Variants in MLIP observed in about 807,000 individuals in gnomAD.
MLIP encodes muscular LMNA interacting protein.
Under a neutral mutation model 84.8 loss-of-function variants are expected in MLIP, and 79 were observed. The observed-to-expected ratio is 0.93, with a 90% CI of 0.78 to 1.12. The LOEUF (loss-of-function observed/expected upper bound fraction) is 1.12. MLIP is among the 50% of genes most tolerant of loss of function. MLIP has a pLI of 0.00. For missense variants in MLIP, 1,257 were observed against 1,160.6 expected, an observed-to-expected ratio of 1.08 and a Z score of -1.21; for synonymous variants, 504 against 463.0, an observed-to-expected ratio of 1.09 and a Z score of -1.14.
rs1416744051 is a variant in MLIP, at chr6:54,086,375, C to T, written c.64-35072C>T. On this transcript the variant is annotated intron_variant, in intron 1 of 12. Coordinates refer to the MLIP transcript ENST00000274897. ...ACAGTGGTTCTTTCTCTTCTTACCC[C>T]ACCTATTTATGTGTGTATGTTTAAT... Among the ~76,000 whole-genome samples, 3 of 152,164 alleles carry T rather than the reference C, an allele frequency of 2.0e-5. No homozygotes were observed. In the East Asian group the frequency reaches 5.8e-4, roughly 29 times the overall value.
intron 5 of MLIP, among the ~76,000 whole-genome samples, chr6:54,152,584 G>T (rs569709520): frequency 7.9e-5 from 12 of 152,104 alleles, no homozygotes; most frequent in African/African-American, 2.9e-4. Flanking sequence ...CCATGATTCA[G>T]TTACCTCCCT....
chr6:54,215,589 A>G (rs779855247), intron 11 of MLIP: 5 of 194,132 alleles, frequency 2.6e-5, no homozygotes, highest in Non-Finnish European at 4.9e-5. Context: ...CTATTAATGT[A>G]CTAGTTACTC....
chr6:54,244,052 C>A (rs1420395710), intron 12 of MLIP, among the ~76,000 whole-genome samples: 1 of 152,118 alleles, frequency 6.6e-6, no homozygotes, highest in Non-Finnish European at 1.5e-5. Context: ...AGTACTCTGA[C>A]AAAATTGTAC....
intron 1 of MLIP, among the ~76,000 whole-genome samples, chr6:54,055,087 C>T (rs2150322675): frequency 6.6e-6 from 1 of 152,226 alleles, no homozygotes; most frequent in Non-Finnish European, 1.5e-5. Context: ...CGGGGTTTCA[C>T]TGTGTTAGCA....
intron 8 of MLIP, among the ~76,000 whole-genome samples, chr6:54,169,125 T>G (rs1238387953): frequency 6.6e-6 from 1 of 151,538 alleles, no homozygotes; most frequent in Non-Finnish European, 1.5e-5. Flanking sequence ...GTTTTACTGG[T>G]GAAGGTAAAG....
intron 1 of MLIP, among the ~76,000 whole-genome samples, chr6:54,076,956 A>G (rs1766841987): frequency 1.3e-5 from 2 of 152,326 alleles, no homozygotes; most frequent in African/African-American, 2.4e-5. Context: ...CAGCAACTGG[A>G]TAACTATTTC....
In MLIP at chr6:54,222,918, A is replaced by G. The variant is rs371339832; in HGVS notation, c.2719-7796A>G. On this transcript the variant is annotated intron_variant, in intron 11 of 13. Transcript: ENST00000502396. ...TAATACTCATTCCAACAGGTGTGAT[A>G]TGATAGCTCATGGTGGTTTTGATTT... Among the ~76,000 whole-genome samples, 26 of 152,164 alleles carry G rather than the reference A, an allele frequency of 1.7e-4. No individual in the cohort carries two copies. The East Asian group carries it at 2.7e-3, about 16-fold the overall frequency.
chr6:54,262,441 T>A (rs142024111), intron 13 of MLIP, among the ~76,000 whole-genome samples: 175 of 152,130 alleles, frequency 1.2e-3, no homozygotes, highest in Non-Finnish European at 2.1e-3. Flanking sequence ...AATGACAGCA[T>A]CGTTAATTAT....
intron 1 of MLIP, among the ~76,000 whole-genome samples, chr6:54,021,342 C>T (rs995539190): frequency 1.3e-5 from 2 of 152,010 alleles, no homozygotes; most frequent in Admixed American, 6.6e-5. Flanking sequence ...TTGTGTTATA[C>T]GTTTGTTAAA....
At chr6:54,150,163 T>C (rs16884835) in intron 5 of MLIP, among the ~76,000 whole-genome samples, 10,773 of 152,224 alleles carry the variant, frequency 0.071, 549 homozygotes, top group East Asian at 0.24. Context: ...TAGGAATTGT[T>C]AGTGGAACAA....
rs144276880 is a variant in MLIP at position 54,136,989 on chromosome 6, G to A, written c.920G>A (p.Gly307Asp). Residue 307 changes from glycine (G) to aspartate (D), a missense_variant, in exon 4 of 14, where the codon GGT (glycine) becomes GAT (aspartate). Physicochemically the swap from Gly to Asp is moderately conservative, Grantham distance 94 (BLOSUM62 -1). Coordinates refer to ENST00000502396, the MANE Select transcript of MLIP (RefSeq NM_001281747.2). The part of the protein sequence containing the change: ...LLFPHSTQLS[G>D]SNLPSSTAAD... ...TTTCCCCATTCCACTCAACTATCAGGTTCTAATTTACCCAGTTCAACTGCA... is the reference window on the plus strand; with the variant it reads ...TTTCCCCATTCCACTCAACTATCAGATTCTAATTTACCCAGTTCAACTGCA... 5.0e-5 allele frequency: 77 copies of A among 1,535,990 alleles called. No homozygotes were observed. The African/African-American group carries it at 7.9e-4, about 16-fold the overall frequency.
At chr6:54,070,297 T>C (rs1371545275) in intron 1 of MLIP, among the ~76,000 whole-genome samples, 1 of 152,174 alleles carries the variant, frequency 6.6e-6, no homozygotes, top group Non-Finnish European at 1.5e-5. Flanking sequence ...CAGTTTGATA[T>C]GATGTTAGAT....
At chr6:54,195,939 G>A (rs991765916) in intron 10 of MLIP, among the ~76,000 whole-genome samples, 21 of 152,102 alleles carry the variant, frequency 1.4e-4, no homozygotes, top group African/African-American at 4.6e-4. Flanking sequence ...GATTAAAATC[G>A]TGTAAAGTCC....
chr6:54,199,526 A>G (rs180952614), intron 10 of MLIP, among the ~76,000 whole-genome samples: 3 of 152,278 alleles, frequency 2.0e-5, no homozygotes, highest in Admixed American at 2.0e-4. Context: ...AAGCACATGA[A>G]AAGGCATGAG....
At chr6:54,220,771 T>G (rs552167472) in intron 11 of MLIP, among the ~76,000 whole-genome samples, 1 of 152,310 alleles carries the variant, frequency 6.6e-6, no homozygotes, top group African/African-American at 2.4e-5. Flanking sequence ...AATAAAAAAT[T>G]TGTTCTCTAA....
chr6:54,031,286 A>G (rs942856968), intron 1 of MLIP: 1 of 152,062 alleles, frequency 6.6e-6, no homozygotes, highest in Non-Finnish European at 1.5e-5. Context: ...AGATTGTGTC[A>G]GAGAGGAATG....
chr6:54,183,479 G>A (rs1177455579), intron 9 of MLIP, among the ~76,000 whole-genome samples: 1 of 151,974 alleles, frequency 6.6e-6, no homozygotes, highest in Non-Finnish European at 1.5e-5. Flanking sequence ...TTCATCAAAT[G>A]GGAAGGTGCC....
At chr6:54,151,982 C>T (rs911603391) in intron 5 of MLIP, among the ~76,000 whole-genome samples, 1 of 152,182 alleles carries the variant, frequency 6.6e-6, no homozygotes, top group South Asian at 2.1e-4. Flanking sequence ...TCTGGTACTT[C>T]TGTTCTGTAA....
intron 12 of MLIP, among the ~76,000 whole-genome samples, chr6:54,245,704 G>A (rs1467327885): frequency 6.6e-6 from 1 of 152,062 alleles, no homozygotes; most frequent in Non-Finnish European, 1.5e-5. Flanking sequence ...TGCACCACAT[G>A]AAACTGCCAT....
Sources: gnomAD v4.1 joint callset for allele counts (sites outside exome capture counted in the v4.1 genomes callset) on GRCh38, gnomAD v4.1.1 for gene constraint, MANE v1.5 for transcripts, NCBI Gene and HGNC (gene_info 2026-07-23, HGNC 2026-07-21) for gene names.